Variants in LDLRAD3 observed in about 807,000 individuals in gnomAD.
LDLRAD3 encodes low-density lipoprotein receptor class A domain-containing protein 3.
LDLRAD3 carries 20 observed loss-of-function variants against 29.4 expected under a neutral mutation model. That is an observed-to-expected ratio of 0.68 (90% CI 0.48 to 0.99). The LOEUF (loss-of-function observed/expected upper bound fraction) is 0.99. Among genes scored for constraint, LDLRAD3 ranks in the 50% least tolerant of loss-of-function variants. LDLRAD3 has a pLI of 0.00. For synonymous variants in LDLRAD3, 157 were observed against 192.7 expected (o/e 0.81, Z 1.53); for missense variants, 420 against 454.3 (o/e 0.92, Z 0.69).
At chr11:35,967,842 G>C (rs1014295850) in intron 1 of LDLRAD3, 3 of 419,864 alleles carry the variant, frequency 7.1e-6, no homozygotes, top group Non-Finnish European at 1.4e-5. Flanking sequence ...TATCCATTCT[G>C]AATGATCATA....
chr11:36,161,276 C>T (rs1428386663), intron 4 of LDLRAD3, among the ~76,000 whole-genome samples: 1 of 152,116 alleles, frequency 6.6e-6, no homozygotes, highest in East Asian at 1.9e-4. Flanking sequence ...CCCTTTGATT[C>T]CTCCCAGGAA....
intron 4 of LDLRAD3, among the ~76,000 whole-genome samples, chr11:36,196,055 C>G (rs1287855425): frequency 6.6e-6 from 1 of 150,750 alleles, no homozygotes; most frequent in South Asian, 2.1e-4. Flanking sequence ...CATACCCCAT[C>G]CAAAAAGCTG....
At chr11:36,004,649 G>A (rs561351978) in intron 1 of LDLRAD3, among the ~76,000 whole-genome samples, 13 of 152,284 alleles carry the variant, frequency 8.5e-5, no homozygotes, top group East Asian at 3.9e-4. Flanking sequence ...TGGTTACTGC[G>A]TATAGGGGCT....
chr11:36,131,144 T>C (rs777917405), intron 4 of LDLRAD3, among the ~76,000 whole-genome samples: 5 of 152,216 alleles, frequency 3.3e-5, no homozygotes, highest in Non-Finnish European at 7.3e-5. Context: ...CAGTGGCTCA[T>C]GCCTGTAAGG....
At chr11:36,207,742 C>G (rs34758421) in intron 4 of LDLRAD3, among the ~76,000 whole-genome samples, 27,606 of 151,984 alleles carry the variant, frequency 0.18, 2,919 homozygotes, top group African/African-American at 0.29. Flanking sequence ...CACAAAAGGG[C>G]ATGAATCTCA....
rs567202296 is a variant in LDLRAD3 at position 36,136,739 on chromosome 11, G to A, written c.454+38278G>A. Reference sequence around the variant, plus strand: ...AGACAGAGTCTTAGTCACCCAGGCTGGAGTACAGTGGCGCGATCTTAGCTC... The same window carrying A: ...AGACAGAGTCTTAGTCACCCAGGCTAGAGTACAGTGGCGCGATCTTAGCTC... On this transcript the variant is annotated intron_variant, in intron 4 of 5. Transcript: ENST00000315571. Among the ~76,000 whole-genome samples, 4 of 151,054 alleles carry A rather than the reference G, an allele frequency of 2.6e-5. No individual in the cohort carries two copies. In the East Asian group the frequency reaches 5.9e-4, roughly 22 times the overall value.
chr11:36,077,798 C>T (rs993945751), intron 2 of LDLRAD3, among the ~76,000 whole-genome samples: 4 of 152,222 alleles, frequency 2.6e-5, no homozygotes, highest in African/African-American at 9.7e-5. Flanking sequence ...CAGCTCTTCT[C>T]TTCCTTCTTC....
intron 1 of LDLRAD3, among the ~76,000 whole-genome samples, chr11:36,035,764 GA>G (rs1565176100): frequency 1.3e-5 from 2 of 152,162 alleles, no homozygotes; most frequent in Admixed American, 6.5e-5. Flanking sequence ...CTCCTGTCTA[GA>G]ATTTTAATTT....
intron 2 of LDLRAD3, among the ~76,000 whole-genome samples, chr11:36,078,191 T>C (rs1030959018): frequency 2.6e-5 from 4 of 152,106 alleles, no homozygotes; most frequent in African/African-American, 9.7e-5. Flanking sequence ...CTGGAAAAGT[T>C]CCCACTCCAG....
chr11:36,232,025 CAA>C lies in LDLRAD3; in HGVS notation c.*2630_*2631del, dbSNP rs1313646469. ...TAAGTGGTTAATAGTGTGTGACGCT[CAA>C]AGTTAATGTAAACTGGAAAGGTTGT... On this transcript the variant is annotated 3_prime_UTR_variant, in exon 6 of 6. Transcript: ENST00000315571. The C allele has an allele frequency of 6.6e-6, 1 of 152,156 alleles. No homozygotes were observed. Among genetic ancestry groups the C allele is most frequent in the Non-Finnish European group, 1.5e-5 (1 of 68,034 alleles). The allele number at this position is 152,156 out of a possible 1,614,324, so 9.4% of individuals were successfully genotyped here. A position where few individuals can be genotyped will look rare whatever the true frequency, so the allele number is the denominator to read the frequency against.
chr11:36,094,717 A>C (rs904106809), intron 3 of LDLRAD3, among the ~76,000 whole-genome samples: 1 of 151,690 alleles, frequency 6.6e-6, no homozygotes, highest in African/African-American at 2.4e-5. Context: ...TTGTATTTTT[A>C]GTAGAGGCAG....
chr11:36,038,971 C>T (rs375859582), intron 2 of LDLRAD3, among the ~76,000 whole-genome samples: 31 of 102,470 alleles, frequency 3.0e-4, no homozygotes, highest in Middle Eastern at 5.4e-3. Context: ...AAATTTCTTT[C>T]TTTTTTTTTT....
chr11:36,083,797 T>A (rs1853155479), intron 3 of LDLRAD3, among the ~76,000 whole-genome samples: 1 of 150,566 alleles, frequency 6.6e-6, no homozygotes. Flanking sequence ...AATAATCCAA[T>A]GGCAATAAAA....
chr11:35,950,529 A>C (rs566243033), intron 1 of LDLRAD3, among the ~76,000 whole-genome samples: 10 of 152,198 alleles, frequency 6.6e-5, no homozygotes, highest in Admixed American at 5.2e-4. Flanking sequence ...GTGTATGTGT[A>C]TGTGTATGTC....
intron 4 of LDLRAD3, among the ~76,000 whole-genome samples, chr11:36,226,335 C>T (rs568342616): frequency 2.0e-5 from 3 of 152,272 alleles, no homozygotes; most frequent in African/African-American, 7.2e-5. Context: ...CTGGGCTGTG[C>T]TGGCTCTCCA....
intron 1 of LDLRAD3, among the ~76,000 whole-genome samples, chr11:35,996,965 A>G (rs573721848): frequency 3.3e-5 from 5 of 152,186 alleles, no homozygotes; most frequent in African/African-American, 1.2e-4. Flanking sequence ...ACCTTTGGGA[A>G]TATAGTGTCT....
At chr11:36,203,259 C>T (rs893268795) in intron 4 of LDLRAD3, among the ~76,000 whole-genome samples, 6 of 152,152 alleles carry the variant, frequency 3.9e-5, no homozygotes, top group African/African-American at 9.7e-5. Context: ...TGAGCCCCCG[C>T]GTCCAGCCCT....
At chr11:36,007,399 G>A (rs1445453297) in intron 1 of LDLRAD3, among the ~76,000 whole-genome samples, 1 of 152,166 alleles carries the variant, frequency 6.6e-6, no homozygotes, top group Non-Finnish European at 1.5e-5. Flanking sequence ...AGTAACTGGA[G>A]AGACTCATCA....
chr11:36,188,784 T>C (rs561997621), intron 4 of LDLRAD3, among the ~76,000 whole-genome samples: 1 of 152,234 alleles, frequency 6.6e-6, no homozygotes, highest in East Asian at 1.9e-4. Flanking sequence ...TAAGTCAACA[T>C]AATGAACATT....
Sources: gnomAD v4.1 joint callset for allele counts (sites outside exome capture counted in the v4.1 genomes callset) on GRCh38, gnomAD v4.1.1 for gene constraint, MANE v1.5 for transcripts, NCBI Gene and HGNC (gene_info 2026-07-23, HGNC 2026-07-21) for gene names.